The following CIITA variants were observed in gnomAD, a reference collection of about 807,000 sequenced individuals.
CIITA encodes the protein class II major histocompatibility complex transactivator.
In CIITA, 72 loss-of-function variants were observed where a neutral mutation model predicts 115.1. That is an observed-to-expected ratio of 0.63 (90% CI 0.52 to 0.76). The LOEUF is 0.76. Among genes scored for constraint, CIITA ranks in the 30% least tolerant of loss-of-function variants. The pLI, the probability that CIITA is intolerant of heterozygous loss-of-function variation, is 0.00. For missense variants in CIITA, 1,617 were observed against 1,463.8 expected, an observed-to-expected ratio of 1.10 and a Z score of -1.71; for synonymous variants, 763 against 635.6, an observed-to-expected ratio of 1.20 and a Z score of -3.02.
At chr16:10,878,927 G>A in intron 1 of CIITA, 3 of 226,552 alleles carry the variant, frequency 1.3e-5, no homozygotes, top group Middle Eastern at 1.3e-3. Flanking sequence ...AAAGAACTGC[G>A]GGGAGGCGGG....
intron 18 of CIITA, 29 bp downstream of exon 18, chr16:10,922,519 G>C: frequency 6.2e-7 from 1 of 1,610,258 alleles, no homozygotes. Flanking sequence ...GGTGGGTGGA[G>C]AACAACTCAC....
intron 15 of CIITA, chr16:10,917,065 G>A (rs969802910): frequency 3.3e-4 from 75 of 225,680 alleles, no homozygotes; most frequent in African/African-American, 1.6e-3. Context: ...AAATAGGAGA[G>A]ATAGATTAGG....
At position 10,923,163 on chromosome 16, in the gene CIITA, G is replaced by A; in HGVS notation, c.3318-65G>A. ...TGGAAGGAGGGATTTGGGGGCAGCT[G>A]TCACTGGGGCCCCAGGCCGCCCTCT... On this transcript the variant is annotated intron_variant, in intron 18 of 19. Coordinates refer to ENST00000324288, the MANE Select transcript of CIITA (RefSeq NM_000246.4). This position sits in a 1 kb window ranked among gnomAD's most constrained non-coding sequence, Gnocchi z 5.2. The A allele has an allele frequency of 7.1e-7, 1 of 1,413,340 alleles. No homozygotes were observed. The highest frequency in any genetic ancestry group is 1.0e-6 in the Non-Finnish European group (1 of 1,004,422). 87.5% of individuals were successfully genotyped at this position (1,413,340 alleles called of 1,614,324 possible).
chr16:10,916,917 C>G (rs933602972), intron 15 of CIITA: 1 of 282,380 alleles, frequency 3.5e-6, no homozygotes. Flanking sequence ...CAGCTTTAAA[C>G]AAAACAAATA....
At chr16:10,880,649 G>A (rs573426560) in intron 1 of CIITA, among the ~76,000 whole-genome samples, 37 of 152,202 alleles carry the variant, frequency 2.4e-4, no homozygotes, top group Non-Finnish European at 4.9e-4. Flanking sequence ...CTGTCTGATG[G>A]CTGGGGCTTG....
chr16:10,886,798 T>C (rs1262450617), intron 1 of CIITA, among the ~76,000 whole-genome samples: 1 of 152,132 alleles, frequency 6.6e-6, no homozygotes, highest in Non-Finnish European at 1.5e-5. Flanking sequence ...CTCAGAGAGG[T>C]TGAGTAACAT....
In CIITA at chr16:10,928,481, G is replaced by A. The variant is rs748679307; in HGVS notation, c.*4626G>A. The A allele has an allele frequency of 2.0e-5, 3 of 152,242 alleles. No individual in the cohort carries two copies. The highest frequency in any genetic ancestry group is 4.4e-5 in the Non-Finnish European group (3 of 68,092). The allele number at this position is 152,242 out of a possible 1,614,324, so 9.4% of individuals were successfully genotyped here. On this transcript the variant is annotated 3_prime_UTR_variant, in exon 20 of 20. Transcript: ENST00000324288. The stretch of plus-strand genomic sequence containing the variant: ...TTTTTTTGTATTTTTAGTAGAGATG[G>A]GGTTTCACCGTGGTGGCCAGGCTGG...
intron 2 of CIITA, 43 bp downstream of exon 2, chr16:10,895,471 C>T: frequency 6.2e-7 from 1 of 1,610,164 alleles, no homozygotes; most frequent in Admixed American, 1.7e-5. Flanking sequence ...TCCCCCACCC[C>T]TCAGCTTGCT....
At chr16:10,866,722 G>C in intron 1 of CIITA, 1 of 375,814 alleles carries the variant, frequency 2.7e-6, no homozygotes, top group Non-Finnish European at 5.3e-6. Context: ...TGAAAACTTG[G>C]AGCACTGTCT....
chr16:10,909,294 G>GAAAT, intron 12 of CIITA, 107 bp downstream of exon 12: 5 of 1,191,420 alleles, frequency 4.2e-6, no homozygotes, highest in Non-Finnish European at 6.2e-6. Flanking sequence ...CTGTCCTCTG[G>GAAAT]GACACCCCAT....
chr16:10,908,908 G>T, intron 11 of CIITA, 121 bp from the exon 12 acceptor site: 1 of 1,415,350 alleles, frequency 7.1e-7, no homozygotes, highest in Middle Eastern at 2.4e-4. Flanking sequence ...TTCTGGGAAA[G>T]GTAGAGGTTG....
upstream of CIITA, among the ~76,000 whole-genome samples, chr16:10,873,555 G>T (rs537396071): frequency 6.6e-6 from 1 of 152,156 alleles, no homozygotes; most frequent in African/African-American, 2.4e-5. Flanking sequence ...GAGCAGCACC[G>T]GGAGGGAGCA....
chr16:10,901,759 G>A lies in CIITA; in HGVS notation c.481+201G>A, dbSNP rs938184162. Reference sequence around the variant, plus strand: ...TGTTTGTGGAAGGTGGTAGGGGCTTGGAGCTAACAGATTGTTCATAGGTTC... The same window carrying A: ...TGTTTGTGGAAGGTGGTAGGGGCTTAGAGCTAACAGATTGTTCATAGGTTC... On this transcript the variant is annotated intron_variant, in intron 6 of 19. Transcript: ENST00000324288. This position sits in a 1 kb window ranked among gnomAD's most constrained non-coding sequence, Gnocchi z 6.8. 3.0e-6 allele frequency: 2 copies of A among 671,122 alleles called. No homozygotes were observed. The highest frequency in any genetic ancestry group is 2.6e-5 in the Admixed American group (1 of 38,864). 41.6% of individuals were successfully genotyped at this position (671,122 alleles called of 1,614,324 possible). A position where few individuals can be genotyped will look rare whatever the true frequency, so the allele number is the denominator to read the frequency against.
chr16:10,906,508 A>C lies in CIITA; in HGVS notation c.1016A>C (p.Glu339Ala), dbSNP rs2039165077. The change falls in exon 11 of 20, where the codon GAG (glutamate) becomes GCG (alanine). Residue 339 changes from glutamate (E) to alanine (A), a missense_variant. By Grantham distance (107) the Glu-to-Ala change is moderately radical. Coordinates refer to ENST00000324288, the MANE Select transcript of CIITA (RefSeq NM_000246.4). ...CCCCTGGCCTTTGCAGAGCCGGTGG[A>C]GCAGTTCTACCGCTCACTGCAGGAC... ...NKLPKWPEPV[E>A]QFYRSLQDTY... 6.2e-7 allele frequency: 1 copy of C among 1,611,818 alleles called. No individual in the cohort carries two copies. Among genetic ancestry groups the C allele is most frequent in the Admixed American group, 1.7e-5 (1 of 60,022 alleles).
chr16:10,929,666 G>T lies in CIITA; in HGVS notation c.*5811G>T. 3.1e-6 allele frequency: 2 copies of T among 638,794 alleles called. No individual in the cohort carries two copies. Among genetic ancestry groups the T allele is most frequent in the Non-Finnish European group, 3.9e-6 (2 of 513,306 alleles). The allele number at this position is 638,794 out of a possible 1,614,324, so 39.6% of individuals were successfully genotyped here. ...CCAGGCTCGGGAGGCTTGGGGTGGG[G>T]CAGGGAAGTCTTCCTCCATCCCTCA... On this transcript the variant is annotated 3_prime_UTR_variant, in exon 20 of 20. Transcript: ENST00000324288. The surrounding 1 kb of genome is among the most constrained non-coding windows in gnomAD (Gnocchi z 4.3).
At position 10,932,013 on chromosome 16, in the gene CIITA, G is replaced by C. The variant is rs959481602; in HGVS notation, c.*8158G>C. 1 of 152,250 alleles carries C rather than the reference G, an allele frequency of 6.6e-6. No individual in the cohort carries two copies. The highest frequency in any genetic ancestry group is 2.4e-5 in the African/African-American group (1 of 41,458). The allele number at this position is 152,250 out of a possible 1,614,324, so 9.4% of individuals were successfully genotyped here. On this transcript the variant is annotated 3_prime_UTR_variant, in exon 20 of 20. Coordinates refer to ENST00000324288, the MANE Select transcript of CIITA (RefSeq NM_000246.4). ...AAAAGCTGCTGACAGTGTTGTATGA[G>C]GTTTGAGGATTTTGATCCAAGCTGG...
chr16:10,875,692 G>A (rs1263603216), upstream of CIITA, among the ~76,000 whole-genome samples: 2 of 151,882 alleles, frequency 1.3e-5, no homozygotes, highest in Non-Finnish European at 2.9e-5. Flanking sequence ...CTTTAGGAGA[G>A]GCAGGATCTC....
intron 1 of CIITA, among the ~76,000 whole-genome samples, chr16:10,890,094 A>G (rs1051489720): frequency 6.6e-6 from 1 of 152,166 alleles, no homozygotes; most frequent in African/African-American, 2.4e-5. Flanking sequence ...TGCAGGCTTC[A>G]GTCTTAGGGA....
chr16:10,874,768 TG>T (rs1462734716), upstream of CIITA, among the ~76,000 whole-genome samples: 6 of 152,040 alleles, frequency 3.9e-5, no homozygotes, highest in Non-Finnish European at 5.9e-5. Context: ...AGGTGAGAGA[TG>T]GTAGTCCTGG....
Sources: gnomAD v4.1 joint callset for allele counts (sites outside exome capture counted in the v4.1 genomes callset) on GRCh38, gnomAD v4.1.1 for gene constraint, Gnocchi (gnomAD v3.1) non-coding constraint, MANE v1.5 for transcripts, NCBI Gene and HGNC (gene_info 2026-07-23, HGNC 2026-07-21) for gene names.